Variants in LIMCH1 observed in about 807,000 individuals in gnomAD.
LIMCH1 encodes the protein LIM and calponin homology domains 1, also known as LIM and calponin homology domains-containing protein 1.
LIMCH1 carries 113 observed loss-of-function variants against 176.5 expected under a neutral mutation model. The observed-to-expected ratio is 0.64, with a 90% confidence interval of 0.55 to 0.75. The LOEUF is 0.75. Among genes scored for constraint, LIMCH1 ranks in the 30% least tolerant of loss-of-function variants. The probability of loss-of-function intolerance (pLI) is 0.00; values close to 1 mark genes in which losing one functional copy is unlikely to be tolerated. For synonymous variants in LIMCH1, 619 were observed against 645.9 expected (o/e 0.96, Z 0.63); for missense variants, 1,674 against 1,814.9 (o/e 0.92, Z 1.41).
rs184831767 is a variant in LIMCH1 at position 41,440,823 on chromosome 4, C to T, written c.97-53713C>T. 1.2e-3 allele frequency among the ~76,000 whole-genome samples: 178 copies of T among 152,248 alleles called. 1 individual carries two copies. The highest frequency in any genetic ancestry group is 2.6e-3 in the Admixed American group (39 of 15,280). On this transcript the variant is annotated intron_variant, in intron 1 of 26. Transcript: ENST00000313860. ...TGCTGGGATTATAGGTATAAGCCACCGCACCTGGCCCATAGTCTACTATTG... is the reference window on the plus strand; with the variant it reads ...TGCTGGGATTATAGGTATAAGCCACTGCACCTGGCCCATAGTCTACTATTG...
At chr4:41,407,358 C>T (rs1242519362) in intron 1 of LIMCH1, among the ~76,000 whole-genome samples, 2 of 152,216 alleles carry the variant, frequency 1.3e-5, no homozygotes, top group Non-Finnish European at 2.9e-5. Flanking sequence ...CCACCTGAGT[C>T]GCTAGGACTA....
At chr4:41,383,616 A>G (rs939062950) in intron 1 of LIMCH1, among the ~76,000 whole-genome samples, 10 of 152,224 alleles carry the variant, frequency 6.6e-5, no homozygotes, top group African/African-American at 2.4e-4. Flanking sequence ...GCTGCACAAC[A>G]GAACCATTGT....
At chr4:41,396,242 C>G (rs2057788403) in intron 1 of LIMCH1, among the ~76,000 whole-genome samples, 1 of 152,134 alleles carries the variant, frequency 6.6e-6, no homozygotes. Flanking sequence ...TTTCCTATAC[C>G]ATTTCCAGTT....
chr4:41,489,041 T>C (rs894118190), intron 1 of LIMCH1, among the ~76,000 whole-genome samples: 2 of 152,204 alleles, frequency 1.3e-5, no homozygotes, highest in African/African-American at 4.8e-5. Context: ...CAAGTTCATC[T>C]AAGTTGACAA....
chr4:41,524,762 G>T (rs1158794390), intron 3 of LIMCH1, among the ~76,000 whole-genome samples: 4 of 152,200 alleles, frequency 2.6e-5, no homozygotes, highest in Non-Finnish European at 5.9e-5. Flanking sequence ...GTTGACCCTT[G>T]GGGGAGGAAT....
At chr4:41,658,028 G>A (rs1253745055) in intron 18 of LIMCH1, among the ~76,000 whole-genome samples, 1 of 152,156 alleles carries the variant, frequency 6.6e-6, no homozygotes, top group African/African-American at 2.4e-5. Flanking sequence ...CAATACTGGA[G>A]GACAGCTTGG....
chr4:41,533,218 G>T (rs576822773), upstream of LIMCH1, among the ~76,000 whole-genome samples: 1 of 152,344 alleles, frequency 6.6e-6, no homozygotes, highest in Non-Finnish European at 1.5e-5. Context: ...GGAAGTCACA[G>T]TCCTTTATAA....
chr4:41,540,464 T>C (rs1202856238), intron 1 of LIMCH1, among the ~76,000 whole-genome samples: 3 of 152,210 alleles, frequency 2.0e-5, no homozygotes, highest in African/African-American at 7.2e-5. Flanking sequence ...ACGGGCCAGA[T>C]GCAGTGGCTT....
At chr4:41,374,026 C>T (rs1419843747) in intron 1 of LIMCH1, among the ~76,000 whole-genome samples, 3 of 152,192 alleles carry the variant, frequency 2.0e-5, no homozygotes, top group African/African-American at 7.2e-5. Context: ...CCCAGCCATG[C>T]TTCCTGTAGA....
intron 1 of LIMCH1, among the ~76,000 whole-genome samples, chr4:41,486,977 T>TACACACACACACAC (rs71927545): frequency 0.062 from 8,626 of 138,132 alleles, 294 homozygotes; most frequent in South Asian, 0.15. Flanking sequence ...CACACATACA[T>TACACACACACACAC]ACACACACAC....
At chr4:41,406,484 A>G (rs6852023) in intron 1 of LIMCH1, among the ~76,000 whole-genome samples, 87,665 of 152,024 alleles carry the variant, frequency 0.58, 28,301 homozygotes, top group East Asian at 0.82. Flanking sequence ...GTGTAAGGAA[A>G]AGGTAACTGC....
intron 2 of LIMCH1, among the ~76,000 whole-genome samples, chr4:41,603,451 T>C (rs1463004399): frequency 6.6e-6 from 1 of 152,178 alleles, no homozygotes; most frequent in African/African-American, 2.4e-5. Context: ...TTCAGGTCTG[T>C]CTAATTAAAT....
At chr4:41,417,496 G>T (rs1457407521) in intron 1 of LIMCH1, among the ~76,000 whole-genome samples, 3 of 152,070 alleles carry the variant, frequency 2.0e-5, no homozygotes, top group Non-Finnish European at 4.4e-5. Context: ...ATTAGTAGTC[G>T]TTATCTCTGG....
At chr4:41,384,488 G>A (rs143435959) in intron 1 of LIMCH1, among the ~76,000 whole-genome samples, 3,424 of 152,112 alleles carry the variant, frequency 0.023, 124 homozygotes, top group African/African-American at 0.079. Flanking sequence ...GATTACAGGC[G>A]TGAGCCACCG....
chr4:41,504,693 A>G (rs2073913986), intron 2 of LIMCH1, among the ~76,000 whole-genome samples: 1 of 152,062 alleles, frequency 6.6e-6, no homozygotes, highest in South Asian at 2.1e-4. Flanking sequence ...ATTCTTACTG[A>G]TATGCTCTCC....
At chr4:41,480,357 C>A (rs2068384685) in intron 1 of LIMCH1, among the ~76,000 whole-genome samples, 1 of 152,108 alleles carries the variant, frequency 6.6e-6, no homozygotes, top group South Asian at 2.1e-4. Flanking sequence ...TCCTGTAATC[C>A]CAGCACTTTG....
At chr4:41,642,103 T>TAGTGG (rs1330566991) in intron 14 of LIMCH1, among the ~76,000 whole-genome samples, 3 of 152,016 alleles carry the variant, frequency 2.0e-5, no homozygotes, top group Middle Eastern at 3.2e-3. Flanking sequence ...TGGCCACCCA[T>TAGTGG]AGTGGCCTAA....
rs898712568 is a variant in LIMCH1, at chr4:41,508,065, C to T, written c.167+13459C>T. On this transcript the variant is annotated intron_variant, in intron 2 of 26. Coordinates refer to the LIMCH1 transcript ENST00000313860. ...AAGAATAACATGATTGAAAACTCTA[C>T]GACTGGAACAAGCTCTGTGTCTTGG... is the stretch of plus-strand genomic sequence containing the variant. 3.9e-5 allele frequency among the ~76,000 whole-genome samples: 6 copies of T among 152,172 alleles called. No homozygotes were observed. In the South Asian group the frequency reaches 6.2e-4, roughly 16 times the overall value.
At chr4:41,540,482 TAATCCTAGCACTTTGGG>T (rs2078486165) in intron 1 of LIMCH1, among the ~76,000 whole-genome samples, 1 of 152,230 alleles carries the variant, frequency 6.6e-6, no homozygotes, top group South Asian at 2.1e-4. Flanking sequence ...CTTACGCCTG[TAATCCTAGCACTTTGGG>T]AGGCTGAGGC....
Sources: gnomAD v4.1 joint callset for allele counts (sites outside exome capture counted in the v4.1 genomes callset) on GRCh38, gnomAD v4.1.1 for gene constraint, MANE v1.5 for transcripts, NCBI Gene and HGNC (gene_info 2026-07-23, HGNC 2026-07-21) for gene names.